The following RPGRIP1L variants were observed in gnomAD, a reference collection of about 807,000 sequenced individuals.
RPGRIP1L encodes the protein RPGRIP1 like.
In RPGRIP1L, 131 loss-of-function variants were observed where a neutral mutation model predicts 160.4. The ratio of observed to expected loss-of-function variants is 0.82; its 90% CI spans 0.71 to 0.94. The LOEUF is 0.94. Among genes scored for constraint, RPGRIP1L ranks in the 40% least tolerant of loss-of-function variants. The pLI is 0.00. For synonymous variants in RPGRIP1L, 510 were observed against 515.8 expected, an observed-to-expected ratio of 0.99 and a Z score of 0.15; for missense variants, 1,522 against 1,535.8, an observed-to-expected ratio of 0.99 and a Z score of 0.15.
chr16:53,645,898 A>G lies in RPGRIP1L; in HGVS notation c.2410T>C (p.Ser804Pro), dbSNP rs1598310467. Reference sequence around the variant, plus strand: ...TGTGGCTGCAGGTGGCTTGCTCGGGACTGCAGGTGGTTGCAACATCTTATT... The same window carrying G: ...TGTGGCTGCAGGTGGCTTGCTCGGGGCTGCAGGTGGTTGCAACATCTTATT... ...ITIRCCNHLQ[S>P]RASHLQPHPY... The change falls in exon 17 of 27, where the codon TCC becomes CCC. Residue 804 changes from serine (S) to proline (P), a missense_variant. Ser to Pro is a moderately conservative substitution (Grantham distance 74). Transcript: ENST00000647211. The G allele has an allele frequency of 6.2e-7, 1 of 1,614,138 alleles. No individual in the cohort carries two copies.
At chr16:53,635,082 A>G (rs1965754342) in intron 22 of RPGRIP1L, among the ~76,000 whole-genome samples, 1 of 152,182 alleles carries the variant, frequency 6.6e-6, no homozygotes, top group Non-Finnish European at 1.5e-5. Flanking sequence ...AGGTAATGAG[A>G]AAAAAATCCA....
intron 22 of RPGRIP1L, among the ~76,000 whole-genome samples, chr16:53,626,633 C>A (rs1489148034): frequency 6.6e-6 from 1 of 151,864 alleles, no homozygotes; most frequent in East Asian, 1.9e-4. Context: ...GGTGAAACCC[C>A]TTCTCTACTA....
chr16:53,616,554 T>A (rs889948364), intron 24 of RPGRIP1L, among the ~76,000 whole-genome samples: 1 of 152,114 alleles, frequency 6.6e-6, no homozygotes, highest in Non-Finnish European at 1.5e-5. Flanking sequence ...CAGAAAAATA[T>A]CCTTAAAATT....
intron 25 of RPGRIP1L, among the ~76,000 whole-genome samples, chr16:53,608,370 T>C (rs1963817592): frequency 6.6e-6 from 1 of 152,212 alleles, no homozygotes; most frequent in Non-Finnish European, 1.5e-5. Flanking sequence ...TTAGTCTTTG[T>C]AGATGTAATT....
intron 24 of RPGRIP1L, among the ~76,000 whole-genome samples, chr16:53,613,133 C>T (rs1169016308): frequency 1.3e-5 from 2 of 152,142 alleles, no homozygotes; most frequent in African/African-American, 2.4e-5. Context: ...GTATATACCA[C>T]ATTTTGTTTA....
chr16:53,656,437 A>T (rs1309099030), intron 14 of RPGRIP1L, 35 bp downstream of exon 14: 2 of 1,273,630 alleles, frequency 1.6e-6, no homozygotes. Flanking sequence ...CCATTCCTCT[A>T]GTTACTGTGG....
chr16:53,697,340 CCCA>C, intron 2 of RPGRIP1L, among the ~76,000 whole-genome samples: 1 of 148,988 alleles, frequency 6.7e-6, no homozygotes, highest in Non-Finnish European at 1.5e-5. Flanking sequence ...TCTCCCTCTC[CCCA>C]CGGTCTCCCT....
At chr16:53,667,146 ATAGT>A (rs1331400032) in intron 9 of RPGRIP1L, among the ~76,000 whole-genome samples, 5 of 152,220 alleles carry the variant, frequency 3.3e-5, no homozygotes. Flanking sequence ...AAGGGGGATC[ATAGT>A]TAGTCTTTGT....
chr16:53,652,909 T>G lies in RPGRIP1L; in HGVS notation c.1778A>C (p.Glu593Ala). The change falls in exon 15 of 27, where the codon GAA becomes GCA. Residue 593 changes from glutamate (E) to alanine (A), a missense_variant. Transcript: ENST00000647211. ...PEIMPDDSVD[E>A]FDETIHLERG... ...TTCTAAGTGGATGGTTTCATCAAAT[T>G]CATCAACAGAGTCATCTGGCATGAT... The G allele has an allele frequency of 6.2e-7, 1 of 1,613,070 alleles. No individual in the cohort carries two copies. The highest frequency in any genetic ancestry group is 8.5e-7 in the Non-Finnish European group (1 of 1,179,716).
chr16:53,622,844 C>CAA (rs1567805115), intron 22 of RPGRIP1L, among the ~76,000 whole-genome samples: 1 of 132,410 alleles, frequency 7.6e-6, no homozygotes, highest in African/African-American at 2.6e-5. Context: ...CACACACACA[C>CAA]AAATAGCCAG....
intron 3 of RPGRIP1L, among the ~76,000 whole-genome samples, chr16:53,692,622 T>C (rs1403225648): frequency 6.6e-6 from 1 of 152,222 alleles, no homozygotes. Flanking sequence ...AGGACACATA[T>C]TTACTCCATA....
chr16:53,678,048 T>G (rs997653609), intron 6 of RPGRIP1L, among the ~76,000 whole-genome samples: 1 of 152,126 alleles, frequency 6.6e-6, no homozygotes, highest in Admixed American at 6.6e-5. Flanking sequence ...TTAAGTGCTT[T>G]GTAAAAATAA....
intron 17 of RPGRIP1L, among the ~76,000 whole-genome samples, chr16:53,642,390 T>C (rs1030696471): frequency 3.3e-5 from 5 of 151,904 alleles, no homozygotes; most frequent in Non-Finnish European, 7.4e-5. Flanking sequence ...GAGTATCCTT[T>C]ACTTTGCTCT....
chr16:53,703,360 C>T (rs1030295242), intron 1 of RPGRIP1L: 6 of 152,156 alleles, frequency 3.9e-5, no homozygotes, highest in African/African-American at 1.4e-4. Flanking sequence ...AAACCCCCGC[C>T]TTTATGAAGC....
chr16:53,638,995 T>C (rs1053872775), intron 19 of RPGRIP1L, among the ~76,000 whole-genome samples: 4 of 151,894 alleles, frequency 2.6e-5, no homozygotes, highest in Non-Finnish European at 5.9e-5. Flanking sequence ...TTTTCTTCTT[T>C]GTATTTTCTA....
At chr16:53,637,056 G>A (rs1965887641) in intron 21 of RPGRIP1L, among the ~76,000 whole-genome samples, 1 of 151,666 alleles carries the variant, frequency 6.6e-6, no homozygotes, top group Non-Finnish European at 1.5e-5. Flanking sequence ...CTATTCACAG[G>A]CACCATCATA....
chr16:53,606,654 C>A (rs1450448911), intron 25 of RPGRIP1L, among the ~76,000 whole-genome samples: 3 of 152,138 alleles, frequency 2.0e-5, no homozygotes, highest in African/African-American at 7.2e-5. Context: ...CGCTCTGTCA[C>A]CCAGGCTGGA....
intron 22 of RPGRIP1L, among the ~76,000 whole-genome samples, chr16:53,623,800 C>T (rs1307740263): frequency 6.6e-6 from 1 of 152,224 alleles, no homozygotes; most frequent in Non-Finnish European, 1.5e-5. Context: ...CAATATCTTA[C>T]TCATTTTTTG....
At chr16:53,631,920 C>T (rs1384756356) in intron 22 of RPGRIP1L, among the ~76,000 whole-genome samples, 1 of 152,134 alleles carries the variant, frequency 6.6e-6, no homozygotes, top group African/African-American at 2.4e-5. Flanking sequence ...TTTAATCCAG[C>T]CACTAAACTT....
Sources: allele counts gnomAD v4.1 joint callset (sites outside exome capture counted in the v4.1 genomes callset), GRCh38; gene constraint gnomAD v4.1.1; transcripts MANE v1.5; gene names NCBI Gene and HGNC (gene_info 2026-07-23, HGNC 2026-07-21).